MVB12B: variants seen among roughly 807,000 people sequenced by gnomAD.
The protein encoded by MVB12B is ESCRT-I complex subunit MVB12B.
Under a neutral mutation model 41.6 loss-of-function variants are expected in MVB12B, and 16 were observed. The ratio of observed to expected loss-of-function variants is 0.38; its 90% CI spans 0.26 to 0.58. The LOEUF (loss-of-function observed/expected upper bound fraction) is 0.58, where lower values mean the gene tolerates loss of function less well. MVB12B is among the 20% of genes least tolerant of loss of function. The probability of loss-of-function intolerance (pLI) is 0.62; values close to 1 mark genes in which losing one functional copy is unlikely to be tolerated. For synonymous variants in MVB12B, 133 were observed against 139.7 expected, an observed-to-expected ratio of 0.95 and a Z score of 0.34; for missense variants, 274 against 380.2, an observed-to-expected ratio of 0.72 and a Z score of 2.32.
At chr9:126,404,560 C>A (rs893281371) in intron 6 of MVB12B, among the ~76,000 whole-genome samples, 1 of 152,234 alleles carries the variant, frequency 6.6e-6, no homozygotes, top group African/African-American at 2.4e-5. Context: ...GGCTCCTGAC[C>A]AGCAACTGGT....
At chr9:126,372,203 A>G (rs191446349) in intron 2 of MVB12B, among the ~76,000 whole-genome samples, 11 of 152,358 alleles carry the variant, frequency 7.2e-5, no homozygotes, top group Admixed American at 7.2e-4. Flanking sequence ...AAGTTGCATT[A>G]TGTATCAGTA....
intron 6 of MVB12B, among the ~76,000 whole-genome samples, chr9:126,405,610 A>G (rs963530472): frequency 1.3e-5 from 2 of 151,910 alleles, no homozygotes; most frequent in African/African-American, 2.4e-5. Context: ...CCAGGATTTT[A>G]CTACCACCCC....
chr9:126,497,440 G>A (rs1224862849), intron 9 of MVB12B, among the ~76,000 whole-genome samples: 1 of 152,034 alleles, frequency 6.6e-6, no homozygotes, highest in African/African-American at 2.4e-5. Context: ...GCTGTGCCCT[G>A]ACCCCGAGGC....
At chr9:126,463,869 A>T (rs1308895921) in intron 7 of MVB12B, among the ~76,000 whole-genome samples, 1 of 152,164 alleles carries the variant, frequency 6.6e-6, no homozygotes, top group Non-Finnish European at 1.5e-5. Context: ...AAAATTTATA[A>T]CAAGGTTATA....
rs1231561700 is a variant in MVB12B, at chr9:126,391,261, CAG to C, written c.410-804_410-803del. Among the ~76,000 whole-genome samples the C allele has an allele frequency of 2.0e-5, 3 of 152,176 alleles. No homozygotes were observed. Among genetic ancestry groups the C allele is most frequent in the African/African-American group, 7.2e-5 (3 of 41,436 alleles). The stretch of plus-strand genomic sequence containing the variant: ...TAGCTCTGCCAGCCTACAGGAGGCA[CAG>C]GGGAGTGACCCGATTTCTCCAACCT... On this transcript the variant is annotated intron_variant, in intron 4 of 9. Coordinates refer to ENST00000361171, the MANE Select transcript of MVB12B (RefSeq NM_033446.3). This position sits in a 1 kb window ranked among gnomAD's most constrained non-coding sequence, Gnocchi z 4.4.
intron 6 of MVB12B, among the ~76,000 whole-genome samples, chr9:126,402,367 G>A (rs1831289450): frequency 1.3e-5 from 2 of 152,170 alleles, no homozygotes; most frequent in South Asian, 2.1e-4. Context: ...GCTGGGTGTG[G>A]TGGCTCATGC....
chr9:126,397,207 G>A, intron 6 of MVB12B: 1 of 985,472 alleles, frequency 1.0e-6, no homozygotes, highest in South Asian at 4.7e-5. Context: ...GGTCTAGAAG[G>A]GCCCAGAAAT....
At chr9:126,494,868 A>G (rs57779186) in intron 9 of MVB12B, among the ~76,000 whole-genome samples, 22 of 127,450 alleles carry the variant, frequency 1.7e-4, no homozygotes, top group African/African-American at 5.4e-4. Context: ...GGAGCACCCC[A>G]CCCCCCCCCA....
intron 7 of MVB12B, among the ~76,000 whole-genome samples, chr9:126,432,180 T>C (rs998747180): frequency 1.3e-5 from 2 of 152,244 alleles, no homozygotes. Context: ...ATCTTCTTTG[T>C]CTAGTTTTTC....
chr9:126,506,948 A>G lies in MVB12B; in HGVS notation c.*3685A>G, dbSNP rs1245222021. On this transcript the variant is annotated 3_prime_UTR_variant, in exon 10 of 10. Coordinates refer to ENST00000361171, the MANE Select transcript of MVB12B (RefSeq NM_033446.3). ...GACGTCCCCGCTGCATATTTATTCA[A>G]GGTGACTCTTGTACTTGGCAAGGGA... 2 of 152,682 alleles carry G rather than the reference A, an allele frequency of 1.3e-5. No individual in the cohort carries two copies. Among genetic ancestry groups the G allele is most frequent in the African/African-American group, 4.8e-5 (2 of 41,458 alleles). The allele number at this position is 152,682 out of a possible 1,614,324, so 9.5% of individuals were successfully genotyped here. A position where few individuals can be genotyped will look rare whatever the true frequency, so the allele number is the denominator to read the frequency against.
At chr9:126,378,703 A>G (rs1331041009) in intron 2 of MVB12B, among the ~76,000 whole-genome samples, 1 of 150,958 alleles carries the variant, frequency 6.6e-6, no homozygotes, top group East Asian at 1.9e-4. Context: ...GCCTTTACAC[A>G]CTTCCACGTC....
chr9:126,341,011 T>C (rs944325114), intron 2 of MVB12B, among the ~76,000 whole-genome samples: 15 of 152,236 alleles, frequency 9.9e-5, no homozygotes, highest in African/African-American at 3.4e-4. Context: ...GTGTAGCTCT[T>C]TACAGTTTAA....
chr9:126,459,404 G>A lies in MVB12B; in HGVS notation c.758-21965G>A, dbSNP rs913476807. ...AGTCCAAAGCCGTCTCCAAGACGCA[G>A]CTGCATCACTGCCTGCCCCTAGCAT... is the stretch of plus-strand genomic sequence containing the variant. On this transcript the variant is annotated intron_variant, in intron 7 of 9. Coordinates refer to ENST00000361171, the MANE Select transcript of MVB12B (RefSeq NM_033446.3). This position sits in a 1 kb window ranked among gnomAD's most constrained non-coding sequence, Gnocchi z 4.3. Among the ~76,000 whole-genome samples the A allele has an allele frequency of 6.6e-6, 1 of 152,346 alleles. No individual in the cohort carries two copies. Among genetic ancestry groups the A allele is most frequent in the Admixed American group, 6.5e-5 (1 of 15,312 alleles).
intron 6 of MVB12B, among the ~76,000 whole-genome samples, chr9:126,403,509 C>T (rs1831326468): frequency 1.3e-5 from 2 of 152,208 alleles, no homozygotes; most frequent in South Asian, 2.1e-4. Context: ...GTCATTGCTG[C>T]GTGTATTTCT....
chr9:126,337,814 C>G (rs568652935), intron 1 of MVB12B, among the ~76,000 whole-genome samples: 1 of 152,150 alleles, frequency 6.6e-6, no homozygotes, highest in Non-Finnish European at 1.5e-5. Context: ...AGTAGGCCTC[C>G]GGATTTGATG....
chr9:126,338,333 C>A (rs1829344392), intron 1 of MVB12B, among the ~76,000 whole-genome samples: 1 of 152,222 alleles, frequency 6.6e-6, no homozygotes, highest in Non-Finnish European at 1.5e-5. Flanking sequence ...CGCCACAGGG[C>A]ATTGTGGGAG....
At chr9:126,431,531 A>G (rs1832331889) in intron 7 of MVB12B, among the ~76,000 whole-genome samples, 1 of 152,200 alleles carries the variant, frequency 6.6e-6, no homozygotes. Flanking sequence ...TTAAGTCATC[A>G]TGAAAAATAA....
chr9:126,401,733 G>A (rs1033971250), intron 6 of MVB12B, among the ~76,000 whole-genome samples: 4 of 152,218 alleles, frequency 2.6e-5, no homozygotes, highest in East Asian at 3.8e-4. Flanking sequence ...GCCCATGAGC[G>A]TGCCACGCTC....
At chr9:126,451,604 C>T (rs146719413) in intron 7 of MVB12B, among the ~76,000 whole-genome samples, 1 of 152,158 alleles carries the variant, frequency 6.6e-6, no homozygotes, top group East Asian at 1.9e-4. Context: ...GGAGTTCAAA[C>T]CCACCGGGAC....
Sources: allele counts gnomAD v4.1 joint callset (sites outside exome capture counted in the v4.1 genomes callset), GRCh38; gene constraint gnomAD v4.1.1; non-coding constraint Gnocchi (gnomAD v3.1); transcripts MANE v1.5; gene names NCBI Gene and HGNC (gene_info 2026-07-23, HGNC 2026-07-21).